PDK3: variants seen among roughly 807,000 people sequenced by gnomAD.
The protein encoded by PDK3 is pyruvate dehydrogenase kinase 3, also known as pyruvate dehydrogenase kinase, isozyme 3.
Under a neutral mutation model 32.0 loss-of-function variants are expected in PDK3, and 12 were observed. The ratio of observed to expected loss-of-function variants is 0.37; its 90% CI spans 0.24 to 0.61. The LOEUF (loss-of-function observed/expected upper bound fraction) is 0.61. Among genes scored for constraint, PDK3 ranks in the 20% least tolerant of loss-of-function variants. PDK3 has a pLI of 0.65. For missense variants in PDK3, 188 were observed against 316.9 expected (o/e 0.59, Z 3.09); for synonymous variants, 122 against 116.3 (o/e 1.05, Z -0.31).
exon 12 of PDK3, among the ~76,000 whole-genome samples, chrX:24,542,093 T>A (rs1253797355): frequency 1.8e-5 from 2 of 112,143 alleles, no homozygotes; most frequent in Non-Finnish European, 3.8e-5. Context: ...GTCTCTAAAT[T>A]AAAAATATGG....
exon 12 of PDK3, among the ~76,000 whole-genome samples, chrX:24,541,522 C>T (rs965461579): frequency 8.9e-6 from 1 of 112,206 alleles, no homozygotes; most frequent in Non-Finnish European, 1.9e-5. Flanking sequence ...ATGACTTAAT[C>T]GGTAGTTCTT....
intron 5 of PDK3, among the ~76,000 whole-genome samples, chrX:24,513,225 G>A (rs1922169417): frequency 9.0e-6 from 1 of 111,535 alleles, no homozygotes. Context: ...AGCGTGAGGT[G>A]TGGGGGCCTA....
chrX:24,470,811 A>ACATTTGTC lies in PDK3; in HGVS notation c.106+5252_106+5259dup, dbSNP rs761060015. Among the ~76,000 whole-genome samples the ACATTTGTC allele has an allele frequency of 1.3e-4, 14 of 109,691 alleles. No homozygotes were observed. The South Asian group carries it at 1.6e-3, about 12-fold the overall frequency. ...CTGAACAGTCTTAATTTTCCCTGTG[A>ACATTTGTC]CATTTGTCCCCCCCCTTCTTCTTGA... On this transcript the variant is annotated intron_variant, in intron 1 of 10. Coordinates refer to ENST00000379162, the MANE Select transcript of PDK3 (RefSeq NM_005391.5).
rs769570259 is a variant in PDK3 at position 24,534,228 on chromosome X, A to G, written c.*156A>G. ...TTATTTAAAAAGCAATTAAGTTTGC[A>G]GTTTGTCCTCATAAACGTTGTAGGT... On this transcript the variant is annotated 3_prime_UTR_variant, in exon 11 of 11. Transcript: ENST00000379162. 1.1e-5 allele frequency: 11 copies of G among 968,678 alleles called. No individual in the cohort carries two copies. In the African/African-American group the frequency reaches 2.2e-4, roughly 19 times the overall value. The allele number at this position is 968,678 out of a possible 1,213,427, so 79.8% of individuals were successfully genotyped here. A position where few individuals can be genotyped will look rare whatever the true frequency, so the allele number is the denominator to read the frequency against.
intron 1 of PDK3, among the ~76,000 whole-genome samples, chrX:24,479,800 A>C (rs1001120022): frequency 3.6e-5 from 4 of 110,950 alleles, no homozygotes; most frequent in Non-Finnish European, 7.6e-5. Context: ...AAACAAACAA[A>C]AAAAAAAGGA....
Position 24,513,110 on chromosome X carries a change from CT to C in PDK3, c.596-5814del, listed in dbSNP as rs771990627. ...GATGAATTTAATTAACTCAGCTTATCTTTTTTTTTCTTTCCCCCTACGATCA... is the reference window on the plus strand; with the variant it reads ...GATGAATTTAATTAACTCAGCTTATCTTTTTTTTCTTTCCCCCTACGATCA... On this transcript the variant is annotated intron_variant, in intron 5 of 10. Transcript: ENST00000379162. Among the ~76,000 whole-genome samples the C allele has an allele frequency of 2.8e-4, 31 of 110,746 alleles. No individual in the cohort carries two copies. The East Asian group carries it at 8.5e-3, about 30-fold the overall frequency.
intron 3 of PDK3, among the ~76,000 whole-genome samples, chrX:24,499,929 G>GC (rs987420813): frequency 6.2e-5 from 7 of 112,173 alleles, no homozygotes; most frequent in African/African-American, 2.3e-4. Flanking sequence ...TTGGGTTAGA[G>GC]CCCCAGATGT....
chrX:24,472,764 C>T (rs1252436997), intron 1 of PDK3, among the ~76,000 whole-genome samples: 2 of 100,864 alleles, frequency 2.0e-5, no homozygotes, highest in Non-Finnish European at 4.0e-5. Context: ...CTGGGCTCAC[C>T]GCAACCTCCG....
At chrX:24,516,629 T>C (rs756009089) in intron 5 of PDK3, among the ~76,000 whole-genome samples, 1 of 111,510 alleles carries the variant, frequency 9.0e-6, no homozygotes, top group South Asian at 3.8e-4. Context: ...AAGTCCAGAA[T>C]AGCAAATCTA....
intron 4 of PDK3, among the ~76,000 whole-genome samples, chrX:24,504,366 G>C (rs1921930800): frequency 8.9e-6 from 1 of 112,373 alleles, no homozygotes; most frequent in South Asian, 3.6e-4. Context: ...AACTCCAGTT[G>C]CTTTCTGATC....
intron 1 of PDK3, among the ~76,000 whole-genome samples, chrX:24,483,189 G>C (rs1245479908): frequency 8.9e-6 from 1 of 112,025 alleles, no homozygotes; most frequent in African/African-American, 3.2e-5. Flanking sequence ...GACTTGCTTT[G>C]GATTCCCTTT....
At chrX:24,517,730 T>C (rs12006787) in intron 5 of PDK3, among the ~76,000 whole-genome samples, 12,039 of 112,242 alleles carry the variant, frequency 0.11, 876 homozygotes, top group African/African-American at 0.26. Context: ...CTTCCGGCTG[T>C]TTCTGTAATG....
At chrX:24,540,537 A>G (rs951417089) in exon 12 of PDK3, among the ~76,000 whole-genome samples, 5 of 112,029 alleles carry the variant, frequency 4.5e-5, no homozygotes, top group South Asian at 7.5e-4. Flanking sequence ...TGCTTTGACC[A>G]GCTGCATGTG....
chrX:24,549,552 T>C (rs777238510), exon 12 of PDK3: 1 of 111,974 alleles, frequency 8.9e-6, no homozygotes, highest in East Asian at 2.8e-4. Flanking sequence ...ATTGTGCTGC[T>C]CTGTTCTCAT....
chrX:24,523,248 T>G (rs1437938838), intron 6 of PDK3, among the ~76,000 whole-genome samples: 1 of 112,358 alleles, frequency 8.9e-6, no homozygotes, highest in African/African-American at 3.2e-5. Context: ...CCATAAGGGC[T>G]CTGCCCTCAT....
intron 1 of PDK3, among the ~76,000 whole-genome samples, chrX:24,483,061 G>A (rs1417138246): frequency 2.7e-5 from 3 of 112,484 alleles, no homozygotes; most frequent in African/African-American, 9.7e-5. Context: ...GCTGGGTAGG[G>A]AGCTCTTAAC....
chrX:24,534,876 G>T (rs1922737331), downstream of PDK3, among the ~76,000 whole-genome samples: 1 of 112,429 alleles, frequency 8.9e-6, no homozygotes, highest in Admixed American at 9.4e-5. Flanking sequence ...AGGATCACTT[G>T]AGCCCAGGAC....
intron 1 of PDK3, among the ~76,000 whole-genome samples, chrX:24,493,401 C>T (rs1921620608): frequency 9.0e-6 from 1 of 111,160 alleles, no homozygotes; most frequent in South Asian, 3.8e-4. Context: ...AATGAATAAA[C>T]CAGAATATGA....
intron 1 of PDK3, among the ~76,000 whole-genome samples, chrX:24,490,467 C>G (rs183116463): frequency 1.8e-5 from 2 of 111,824 alleles, no homozygotes; most frequent in Admixed American, 1.9e-4. Flanking sequence ...CCTTTGTCAT[C>G]AACGCCCCGC....
Sources: allele counts gnomAD v4.1 joint callset (sites outside exome capture counted in the v4.1 genomes callset), GRCh38; gene constraint gnomAD v4.1.1; transcripts MANE v1.5; gene names NCBI Gene and HGNC (gene_info 2026-07-23, HGNC 2026-07-21).